The following SAMD5 variants were observed in gnomAD, a reference collection of about 807,000 sequenced individuals.
SAMD5 encodes sterile alpha motif domain-containing protein 5.
SAMD5 carries 13 observed loss-of-function variants against 11.3 expected under a neutral mutation model. The observed-to-expected ratio is 1.15, with a 90% CI of 0.75 to 1.83. The LOEUF is 1.83. Ranked by LOEUF, SAMD5 falls within the 40% of genes most tolerant of loss-of-function variation. SAMD5 has a pLI of 0.00. For missense variants in SAMD5, 255 were observed against 239.1 expected (o/e 1.07, Z -0.44); for synonymous variants, 129 against 111.3 (o/e 1.16, Z -1.00).
At chr6:147,859,048 GGCCA>G in the SAMD5 span, among the ~76,000 whole-genome samples, 1 of 152,102 alleles carries the variant, frequency 6.6e-6, no homozygotes, top group Non-Finnish European at 1.5e-5. Flanking sequence ...TTTCACTAGG[GGCCA>G]GGGAGGACCT....
the SAMD5 span, among the ~76,000 whole-genome samples, chr6:147,904,643 G>T: frequency 6.6e-6 from 1 of 152,036 alleles, no homozygotes; most frequent in African/African-American, 2.4e-5. Flanking sequence ...ACACCTGATT[G>T]CCTGGGCTGA....
the SAMD5 span, among the ~76,000 whole-genome samples, chr6:147,951,890 A>G: frequency 8.5e-5 from 13 of 152,170 alleles, no homozygotes; most frequent in African/African-American, 3.1e-4. Context: ...TAGCATAGTA[A>G]TGTTTCAGAT....
At chr6:147,895,335 G>T in the SAMD5 span, among the ~76,000 whole-genome samples, 1 of 152,028 alleles carries the variant, frequency 6.6e-6, no homozygotes. Flanking sequence ...TTTCTTTGTT[G>T]CCTCCATAGA....
chr6:147,877,206 C>G, the SAMD5 span, among the ~76,000 whole-genome samples: 1 of 151,962 alleles, frequency 6.6e-6, no homozygotes, highest in Non-Finnish European at 1.5e-5. Flanking sequence ...TAAATATTAA[C>G]TAAATATTAA....
exon 2 of SAMD5, chr6:147,737,317 GTAT>G (rs1791818894): frequency 4.9e-6 from 6 of 1,232,770 alleles, no homozygotes; most frequent in Admixed American, 2.5e-5. Context: ...TATGCTCCAG[GTAT>G]TATTATGCCG....
At chr6:147,839,953 A>C in the SAMD5 span, among the ~76,000 whole-genome samples, 1,217 of 152,298 alleles carry the variant, frequency 8.0e-3, 13 homozygotes, top group African/African-American at 0.028. Context: ...AATATTCATA[A>C]TGTGTCTGAG....
chr6:147,855,547 T>C, the SAMD5 span, among the ~76,000 whole-genome samples: 3,428 of 152,226 alleles, frequency 0.023, 67 homozygotes, highest in Non-Finnish European at 0.032. Context: ...TTGGTGAGAA[T>C]GTTATAGAAG....
the SAMD5 span, among the ~76,000 whole-genome samples, chr6:147,948,277 A>AG: frequency 3.4e-5 from 4 of 119,108 alleles, no homozygotes; most frequent in Admixed American, 8.5e-5. Flanking sequence ...TTGCAAGGAG[A>AG]GAAAAAAAAA....
At chr6:147,756,829 A>T in the SAMD5 span, among the ~76,000 whole-genome samples, 1 of 152,208 alleles carries the variant, frequency 6.6e-6, no homozygotes, top group African/African-American at 2.4e-5. Context: ...GACTGATCTG[A>T]TAGTCGTGTC....
intron 1 of SAMD5, among the ~76,000 whole-genome samples, chr6:147,688,080 ATTCTCTTT>A (rs1405501849): frequency 6.6e-6 from 1 of 151,842 alleles, no homozygotes; most frequent in Non-Finnish European, 1.5e-5. Flanking sequence ...AGGGTCCCAT[ATTCTCTTT>A]TTCTCTTTTT....
At chr6:147,603,414 A>G (rs1300540762) in intron 1 of SAMD5, among the ~76,000 whole-genome samples, 1 of 152,174 alleles carries the variant, frequency 6.6e-6, no homozygotes, top group East Asian at 1.9e-4. Context: ...TTGACCTTTT[A>G]AAAATTATTA....
chr6:147,568,274 G>C lies in SAMD5; in HGVS notation c.*3818G>C, dbSNP rs189779134. On this transcript the variant is annotated 3_prime_UTR_variant, in exon 2 of 2. Coordinates refer to ENST00000367474, the MANE Select transcript of SAMD5 (RefSeq NM_001030060.3). ...ACTGGAAAGCACCTGCTTGAAAATT[G>C]ATATGAGCATGTCTGAATTTTTCCC... 8 of 985,342 alleles carry C rather than the reference G, an allele frequency of 8.1e-6. No individual in the cohort carries two copies. In the Admixed American group the frequency reaches 4.9e-4, roughly 61 times the overall value. 61.0% of individuals were successfully genotyped at this position (985,342 alleles called of 1,614,324 possible). A position where few individuals can be genotyped will look rare whatever the true frequency, so the allele number is the denominator to read the frequency against.
the SAMD5 span, among the ~76,000 whole-genome samples, chr6:147,833,754 A>G: frequency 6.6e-6 from 1 of 152,212 alleles, no homozygotes; most frequent in Non-Finnish European, 1.5e-5. Context: ...GTGTCTAGCT[A>G]TCAGTTCCAT....
chr6:147,906,976 G>T, the SAMD5 span, among the ~76,000 whole-genome samples: 1 of 152,178 alleles, frequency 6.6e-6, no homozygotes, highest in Non-Finnish European at 1.5e-5. Flanking sequence ...TGCAATAGCT[G>T]CCTCCCTCTG....
At chr6:147,662,018 C>T (rs982914372) in intron 1 of SAMD5, among the ~76,000 whole-genome samples, 5 of 152,134 alleles carry the variant, frequency 3.3e-5, no homozygotes, top group African/African-American at 1.2e-4. Context: ...TCTTCCTTGA[C>T]TCATTTCGTC....
intron 1 of SAMD5, among the ~76,000 whole-genome samples, chr6:147,539,743 A>G (rs1788569939): frequency 6.6e-6 from 1 of 152,112 alleles, no homozygotes; most frequent in African/African-American, 2.4e-5. Flanking sequence ...ATTGACTGAG[A>G]AGAAAAAACT....
chr6:147,720,100 A>G (rs550434277), intron 1 of SAMD5, among the ~76,000 whole-genome samples: 1 of 152,316 alleles, frequency 6.6e-6, no homozygotes, highest in African/African-American at 2.4e-5. Context: ...AACACCAGGC[A>G]CGTACAGTGT....
intron 1 of SAMD5, among the ~76,000 whole-genome samples, chr6:147,558,590 C>T (rs950606033): frequency 2.0e-5 from 3 of 152,026 alleles, no homozygotes; most frequent in African/African-American, 7.2e-5. Context: ...TGGCTATTTT[C>T]GAATCTCCCC....
intron 1 of SAMD5, among the ~76,000 whole-genome samples, chr6:147,661,819 C>T (rs576404250): frequency 1.1e-4 from 16 of 151,960 alleles, no homozygotes; most frequent in African/African-American, 3.6e-4. Context: ...TTCGTAGAAA[C>T]GGGGTTTCAC....
Sources: allele counts gnomAD v4.1 joint callset (sites outside exome capture counted in the v4.1 genomes callset), GRCh38; gene constraint gnomAD v4.1.1; transcripts MANE v1.5; gene names NCBI Gene and HGNC (gene_info 2026-07-23, HGNC 2026-07-21).